PTPRD: variants seen among roughly 807,000 people sequenced by gnomAD.
The protein encoded by PTPRD is protein tyrosine phosphatase receptor type D, also known as receptor-type tyrosine-protein phosphatase delta.
Under a neutral mutation model 214.5 loss-of-function variants are expected in PTPRD, and 34 were observed. The observed-to-expected ratio is 0.16, with a 90% CI of 0.12 to 0.21. The LOEUF is 0.21. PTPRD is among the 10% of genes least tolerant of loss of function. PTPRD has a pLI of 1.00. For synonymous variants in PTPRD, 1,128 were observed against 845.7 expected, an observed-to-expected ratio of 1.33 and a Z score of -5.79; for missense variants, 2,545 against 2,398.7, an observed-to-expected ratio of 1.06 and a Z score of -1.27.
At chr9:9,734,445 A>G (rs1427875552) in intron 7 of PTPRD, 88 bp downstream of exon 7, 2 of 144,540 alleles carry the variant, frequency 1.4e-5, no homozygotes, top group Non-Finnish European at 3.1e-5. Context: ...TAAGCCTGAC[A>G]CAGAAATAAA....
chr9:10,386,283 A>C (rs1252983877), intron 2 of PTPRD, among the ~76,000 whole-genome samples: 1 of 151,926 alleles, frequency 6.6e-6, no homozygotes, highest in Non-Finnish European at 1.5e-5. Flanking sequence ...CTGTAGAAAC[A>C]GAAATTTCCC....
At chr9:9,397,908 G>T (rs1275928879) in intron 8 of PTPRD, among the ~76,000 whole-genome samples, 2 of 151,890 alleles carry the variant, frequency 1.3e-5, no homozygotes, top group Non-Finnish European at 2.9e-5. Context: ...AATTCTCTTT[G>T]TTGCCTACCT....
intron 7 of PTPRD, among the ~76,000 whole-genome samples, chr9:9,600,271 G>A (rs664921): frequency 0.25 from 37,341 of 152,008 alleles, 5,823 homozygotes; most frequent in Non-Finnish European, 0.34. Context: ...AGGAGAGGAA[G>A]TACAATTAAC....
At chr9:9,148,461 T>C (rs528862781) in intron 10 of PTPRD, among the ~76,000 whole-genome samples, 12 of 152,288 alleles carry the variant, frequency 7.9e-5, no homozygotes, top group Admixed American at 3.3e-4. Context: ...CAGCTTCTTT[T>C]TGTAGATGAG....
intron 3 of PTPRD, among the ~76,000 whole-genome samples, chr9:10,223,043 A>G (rs908603438): frequency 1.3e-5 from 2 of 152,040 alleles, no homozygotes; most frequent in African/African-American, 4.8e-5. Context: ...TTTAGAAAAT[A>G]AAGAGGCTTA....
intron 6 of PTPRD, among the ~76,000 whole-genome samples, chr9:9,757,509 G>A (rs546049311): frequency 6.6e-6 from 1 of 152,078 alleles, no homozygotes; most frequent in Admixed American, 6.6e-5. Context: ...GGAAGACAAC[G>A]ATTTCAGAAA....
intron 10 of PTPRD, among the ~76,000 whole-genome samples, chr9:9,019,765 A>C (rs1466897511): frequency 6.6e-6 from 1 of 152,212 alleles, no homozygotes; most frequent in Non-Finnish European, 1.5e-5. Flanking sequence ...AACGTTGAGA[A>C]AGATACAAGT....
intron 12 of PTPRD, among the ~76,000 whole-genome samples, chr9:8,683,730 G>A (rs1347889246): frequency 1.3e-5 from 2 of 152,166 alleles, no homozygotes; most frequent in African/African-American, 2.4e-5. Flanking sequence ...AGAGTATGCT[G>A]GAAGTGATGC....
chr9:8,958,740 G>T (rs558262362), intron 11 of PTPRD: 1 of 151,974 alleles, frequency 6.6e-6, no homozygotes, highest in Non-Finnish European at 1.5e-5. Context: ...AAGAGAAAGA[G>T]TCTCTCAGCA....
intron 2 of PTPRD, among the ~76,000 whole-genome samples, chr9:10,513,500 C>CA (rs760371708): frequency 1.2e-4 from 19 of 152,078 alleles, no homozygotes; most frequent in Non-Finnish European, 2.8e-4. Flanking sequence ...ATGGCAATTG[C>CA]AAGCATACAG....
At chr9:9,151,389 G>A (rs1340238179) in intron 10 of PTPRD, among the ~76,000 whole-genome samples, 1 of 152,170 alleles carries the variant, frequency 6.6e-6, no homozygotes, top group African/African-American at 2.4e-5. Context: ...ACACAGAGGT[G>A]TTGAGATCCC....
At chr9:10,565,049 A>T (rs1161991124) in intron 2 of PTPRD, among the ~76,000 whole-genome samples, 1 of 152,108 alleles carries the variant, frequency 6.6e-6, no homozygotes, top group East Asian at 1.9e-4. Flanking sequence ...CTAATGTAGC[A>T]TATTTTTTAT....
At chr9:8,561,845 T>C (rs535922833) in intron 14 of PTPRD, among the ~76,000 whole-genome samples, 1 of 151,888 alleles carries the variant, frequency 6.6e-6, no homozygotes, top group East Asian at 1.9e-4. Flanking sequence ...TATATTTATA[T>C]ATATTTAGTG....
At chr9:9,492,491 A>G (rs930762412) in intron 8 of PTPRD, among the ~76,000 whole-genome samples, 1 of 152,156 alleles carries the variant, frequency 6.6e-6, no homozygotes, top group Non-Finnish European at 1.5e-5. Flanking sequence ...CTGGAATGCC[A>G]AAATGGTACA....
At chr9:9,354,675 A>G (rs1030341010) in intron 9 of PTPRD, among the ~76,000 whole-genome samples, 2 of 151,782 alleles carry the variant, frequency 1.3e-5, no homozygotes, top group Non-Finnish European at 2.9e-5. Flanking sequence ...TAGGAGGTAA[A>G]AAGTGCTATG....
intron 4 of PTPRD, among the ~76,000 whole-genome samples, chr9:10,000,678 T>A (rs913125136): frequency 4.6e-5 from 7 of 152,344 alleles, no homozygotes; most frequent in Non-Finnish European, 1.0e-4. Flanking sequence ...CCGAAACATT[T>A]CTTTTCTAAC....
chr9:9,821,698 G>A (rs1171721878), intron 5 of PTPRD, among the ~76,000 whole-genome samples: 1 of 151,708 alleles, frequency 6.6e-6, no homozygotes, highest in African/African-American at 2.4e-5. Flanking sequence ...ATTATCAATA[G>A]CCCTCTGAAA....
At chr9:9,217,343 G>A (rs1362764122) in intron 9 of PTPRD, among the ~76,000 whole-genome samples, 1 of 152,054 alleles carries the variant, frequency 6.6e-6, no homozygotes, top group Admixed American at 6.6e-5. Flanking sequence ...TGTTTTATAT[G>A]GGCTACAAAT....
chr9:8,369,005 G>C (rs1209406239), intron 39 of PTPRD, among the ~76,000 whole-genome samples: 1 of 152,060 alleles, frequency 6.6e-6, no homozygotes, highest in Non-Finnish European at 1.5e-5. Context: ...CAGAAGGCTA[G>C]CATCTCCTAT....
Sources: gnomAD v4.1 joint callset for allele counts (sites outside exome capture counted in the v4.1 genomes callset) on GRCh38, gnomAD v4.1.1 for gene constraint, MANE v1.5 for transcripts, NCBI Gene and HGNC (gene_info 2026-07-23, HGNC 2026-07-21) for gene names.